The following MRAP variants were observed in gnomAD, a reference collection of about 807,000 sequenced individuals.
The protein encoded by MRAP is melanocortin 2 receptor accessory protein.
In MRAP, 8 loss-of-function variants were observed where a neutral mutation model predicts 8.7. That is an observed-to-expected ratio of 0.92 (90% confidence interval 0.54 to 1.66). MRAP has a LOEUF of 1.66. Among genes scored for constraint, MRAP ranks in the 40% most tolerant of loss-of-function variants. The probability of loss-of-function intolerance (pLI) is 0.00; values close to 1 mark genes in which losing one functional copy is unlikely to be tolerated. For synonymous variants in MRAP, 95 were observed against 95.5 expected, an observed-to-expected ratio of 1.00 and a Z score of 0.03; for missense variants, 237 against 217.1, an observed-to-expected ratio of 1.09 and a Z score of -0.58.
chr21:32,311,405 T>TCCCCCCCC, intron 2 of MRAP: 1 of 291,706 alleles, frequency 3.4e-6, no homozygotes, highest in Non-Finnish European at 6.5e-6. Flanking sequence ...CCTGCTCCCC[T>TCCCCCCCC]CCACCCCCCA....
At chr21:32,293,995 A>C (rs996461668), upstream of MRAP, among the ~76,000 whole-genome samples, 2 of 152,198 alleles carry the variant, frequency 1.3e-5, no homozygotes, top group African/African-American at 2.4e-5. Flanking sequence ...CTTAATAATC[A>C]GTATTTTGTC....
intron 2 of MRAP, chr21:32,308,857 C>G (rs961263695): frequency 6.6e-6 from 1 of 152,510 alleles, no homozygotes; most frequent in African/African-American, 2.4e-5. Context: ...ATGTCCATTA[C>G]GGACGGAAGT....
chr21:32,305,820 G>C (rs1568798603), intron 1 of MRAP, among the ~76,000 whole-genome samples: 1 of 151,794 alleles, frequency 6.6e-6, no homozygotes. Flanking sequence ...AAGAAAAACT[G>C]TCGTGCTAGA....
At chr21:32,314,541 G>A (rs534535052), downstream of MRAP, 6 of 1,610,662 alleles carry the variant, frequency 3.7e-6, no homozygotes, top group African/African-American at 6.7e-5. Context: ...GATACCTTTT[G>A]ACATTTCAGC....
Position 32,311,830 on chromosome 21 carries a change from G to A in MRAP, c.353G>A (p.Gly118Asp), listed in dbSNP as rs765412733. The change falls in exon 3 of 3, where the codon GGC becomes GAC. Residue 118 changes from glycine to aspartate, a missense_variant. By Grantham distance (94) the Gly-to-Asp change is moderately conservative. Transcript: ENST00000303645. ...ASSVEPGSRT[G>D]PDQPLRQESS... Reference sequence around the variant, plus strand: ...TCAGTGGAGCCAGGGAGCAGAACTGGCCCTGACCAGCCGCTACGACAGGAG... The same window carrying A: ...TCAGTGGAGCCAGGGAGCAGAACTGACCCTGACCAGCCGCTACGACAGGAG... 8 of 1,613,562 alleles carry A rather than the reference G, an allele frequency of 5.0e-6. No homozygotes were observed. The highest frequency in any genetic ancestry group is 4.0e-5 in the African/African-American group (3 of 74,926).
At chr21:32,309,605 C>T (rs1043494397) in intron 2 of MRAP, among the ~76,000 whole-genome samples, 2 of 150,834 alleles carry the variant, frequency 1.3e-5, no homozygotes, top group Admixed American at 6.6e-5. Flanking sequence ...GCACCCGCCA[C>T]GACGCACAGC....
intron 2 of MRAP, among the ~76,000 whole-genome samples, chr21:32,309,573 T>C (rs979859012): frequency 6.7e-6 from 1 of 149,500 alleles, no homozygotes; most frequent in African/African-American, 2.4e-5. Flanking sequence ...TGCCTCAGCC[T>C]CCCGAGTAGC....
upstream of MRAP, among the ~76,000 whole-genome samples, chr21:32,297,133 T>C (rs2032154508): frequency 2.0e-5 from 3 of 152,182 alleles, no homozygotes; most frequent in African/African-American, 7.2e-5. Context: ...CTCATAAAAC[T>C]TGCAATATCT....
downstream of MRAP, chr21:32,312,343 G>A (rs768759503): frequency 6.6e-6 from 8 of 1,211,000 alleles, no homozygotes; most frequent in Admixed American, 3.5e-5. Context: ...TGTGTAATGC[G>A]TTATCAGCCC....
chr21:32,311,261 A>G, intron 2 of MRAP: 1 of 179,476 alleles, frequency 5.6e-6, no homozygotes, highest in Non-Finnish European at 1.2e-5. Flanking sequence ...TTCCCACGAC[A>G]CGTGGGGATT....
At chr21:32,306,340 CG>C in intron 1 of MRAP, 3 of 410,184 alleles carry the variant, frequency 7.3e-6, no homozygotes, top group South Asian at 6.2e-5. Flanking sequence ...CACTAGGAGC[CG>C]GGCAAGCAGA....
At position 32,311,691 on chromosome 21, in the gene MRAP, C is replaced by G. The variant is rs777744361; in HGVS notation, c.214C>G (p.Pro72Ala). The change falls in exon 3 of 3, where the codon CCC becomes GCC. Residue 72 changes from proline (P) to alanine (A), a missense_variant. Coordinates refer to ENST00000303645, the MANE Select transcript of MRAP (RefSeq NM_001379228.1). ...WSASPQMRNS[P>A]KHHQTCPWSH... ...ACTCTGCTCTGTTCACAGGAACAGC[C>G]CCAAGCACCACCAAACATGCCCCTG... The G allele has an allele frequency of 6.2e-7, 1 of 1,613,946 alleles. No individual in the cohort carries two copies. Among genetic ancestry groups the G allele is most frequent in the South Asian group, 1.1e-5 (1 of 91,034 alleles).
chr21:32,302,358 G>A (rs1405392747), intron 1 of MRAP, among the ~76,000 whole-genome samples: 1 of 152,218 alleles, frequency 6.6e-6, no homozygotes, highest in Admixed American at 6.5e-5. Context: ...GAAGAGACCT[G>A]TAAGTATTTG....
rs371420409 is a variant in MRAP, at chr21:32,299,468, G to A, written c.106+391G>A. ...TCCTACCTCAGCCTCCCAAGTAACT[G>A]AGACTATGGGCACATGCTACCACGC... On this transcript the variant is annotated intron_variant, in intron 1 of 2. Coordinates refer to ENST00000303645, the MANE Select transcript of MRAP (RefSeq NM_001379228.1). Among the ~76,000 whole-genome samples, 34 of 152,170 alleles carry A rather than the reference G, an allele frequency of 2.2e-4. No individual in the cohort carries two copies. The East Asian group carries it at 2.5e-3, about 11-fold the overall frequency.
chr21:32,295,619 C>T (rs549878752), upstream of MRAP, among the ~76,000 whole-genome samples: 1 of 152,252 alleles, frequency 6.6e-6, no homozygotes, highest in South Asian at 2.1e-4. Context: ...ACTAGCTACC[C>T]ATTATAACAG....
Position 32,312,011 on chromosome 21 carries a change from G to C in MRAP, c.*15G>C. ...TGCAGAGCTGATGTCAGTAAATCGT[G>C]GCCATAGCTGAGTGAACTGGTGAAA... On this transcript the variant is annotated 3_prime_UTR_variant, in exon 3 of 3. Transcript: ENST00000303645. 4 of 1,612,846 alleles carry C rather than the reference G, an allele frequency of 2.5e-6. No homozygotes were observed. Among genetic ancestry groups the C allele is most frequent in the Non-Finnish European group, 3.4e-6 (4 of 1,180,026 alleles).
chr21:32,313,004 AC>A (rs1158894567), downstream of MRAP: 1 of 152,290 alleles, frequency 6.6e-6, no homozygotes, highest in Non-Finnish European at 1.5e-5. Context: ...AAAAGGGAGA[AC>A]AAAGAAAAGC....
intron 1 of MRAP, 34 bp from the exon 2 acceptor site, chr21:32,306,580 CCTCAGCGTTGCTTTATGTTGACATAA>C: frequency 1.4e-6 from 2 of 1,411,702 alleles, no homozygotes; most frequent in South Asian, 2.3e-5. Flanking sequence ...CCTTACTGCC[CCTCAGCGTTGCTTTATGTTGACATAA>C]CCCAGCGCTG....
upstream of MRAP, among the ~76,000 whole-genome samples, chr21:32,294,588 T>C (rs191266749): frequency 1.3e-3 from 199 of 152,354 alleles, 1 homozygote; most frequent in Non-Finnish European, 3.8e-4. Context: ...ACTCTTGGTA[T>C]AAATTCCTTA....
Sources: gnomAD v4.1 joint callset for allele counts (sites outside exome capture counted in the v4.1 genomes callset) on GRCh38, gnomAD v4.1.1 for gene constraint, MANE v1.5 for transcripts, NCBI Gene and HGNC (gene_info 2026-07-23, HGNC 2026-07-21) for gene names.